The following SPATA33 variants were observed in gnomAD, a reference collection of about 807,000 sequenced individuals.
The protein encoded by SPATA33 is spermatogenesis associated 33.
A neutral mutation model predicts 8.9 loss-of-function variants in SPATA33; 10 were observed. The ratio of observed to expected loss-of-function variants is 1.12; its 90% confidence interval spans 0.69 to 1.90. The LOEUF is 1.90. Ranked by LOEUF, SPATA33 falls within the 40% of genes most tolerant of loss-of-function variation. The pLI, the probability that SPATA33 is intolerant of heterozygous loss-of-function variation, is 0.00. For synonymous variants in SPATA33, 96 were observed against 72.8 expected (o/e 1.32, Z -1.63); for missense variants, 241 against 178.3 (o/e 1.35, Z -2.00).
chr16:89,669,574 C>G lies in SPATA33; in HGVS notation c.*77C>G. Reference sequence around the variant, plus strand: ...ACAGCCGCCTCACCCTGTGAGAAGCCGAGGCCCCTTCTCCAGTGCTCTCGG... The same window carrying G: ...ACAGCCGCCTCACCCTGTGAGAAGCGGAGGCCCCTTCTCCAGTGCTCTCGG... On this transcript the variant is annotated 3_prime_UTR_variant, in exon 3 of 3. Coordinates refer to ENST00000579310, the MANE Select transcript of SPATA33 (RefSeq NM_001271907.2). The G allele has an allele frequency of 6.9e-7, 1 of 1,456,768 alleles. No individual in the cohort carries two copies. Among genetic ancestry groups the G allele is most frequent in the Non-Finnish European group, 9.4e-7 (1 of 1,061,894 alleles). The allele number at this position is 1,456,768 out of a possible 1,614,324, so 90.2% of individuals were successfully genotyped here. A position where few individuals can be genotyped will look rare whatever the true frequency, so the allele number is the denominator to read the frequency against.
At chr16:89,662,669 C>T (rs1199410568) in intron 2 of SPATA33, among the ~76,000 whole-genome samples, 2 of 152,222 alleles carry the variant, frequency 1.3e-5, no homozygotes, top group African/African-American at 2.4e-5. Flanking sequence ...TCAGCTGATC[C>T]ACCCGCCTCG....
intron 2 of SPATA33, among the ~76,000 whole-genome samples, chr16:89,662,293 CA>C (rs34420644): frequency 4.3e-4 from 61 of 141,700 alleles, no homozygotes; most frequent in Admixed American, 1.1e-3. Flanking sequence ...GACTCCATCT[CA>C]AAAAAAAAAA....
chr16:89,664,358 C>G (rs925396778), intron 2 of SPATA33, among the ~76,000 whole-genome samples: 1 of 150,618 alleles, frequency 6.6e-6, no homozygotes, highest in African/African-American at 2.4e-5. Flanking sequence ...GGACTCAAGA[C>G]AGCCCACACG....
At chr16:89,667,338 T>G (rs1416629737) in intron 2 of SPATA33, among the ~76,000 whole-genome samples, 1 of 152,232 alleles carries the variant, frequency 6.6e-6, no homozygotes, top group Non-Finnish European at 1.5e-5. Context: ...AGGTTATGAT[T>G]GTAGAGCGAG....
chr16:89,657,860 C>A lies in SPATA33; in HGVS notation c.-52C>A, dbSNP rs35415928. On this transcript the variant is annotated 5_prime_UTR_variant, in exon 1 of 3. Transcript: ENST00000579310. ...TGTGAGTCGCTCCCGGCTCCGCGGC[C>A]GCGGAGGTGTGGGGACCCGGGCTTG... The A allele has an allele frequency of 1.5e-5, 23 of 1,509,160 alleles. No individual in the cohort carries two copies. The Middle Eastern group carries it at 5.5e-4, about 36-fold the overall frequency. The allele number at this position is 1,509,160 out of a possible 1,614,324, so 93.5% of individuals were successfully genotyped here. A position where few individuals can be genotyped will look rare whatever the true frequency, so the allele number is the denominator to read the frequency against.
chr16:89,667,593 G>T (rs1310902696), intron 2 of SPATA33, among the ~76,000 whole-genome samples: 1 of 152,206 alleles, frequency 6.6e-6, no homozygotes, highest in Non-Finnish European at 1.5e-5. Context: ...AGCCCAGGAA[G>T]TTGAGGCTTC....
intron 2 of SPATA33, chr16:89,661,073 C>T (rs1339159265): frequency 6.1e-6 from 6 of 986,170 alleles, no homozygotes; most frequent in Non-Finnish European, 4.8e-6. Context: ...CCATAAAATC[C>T]AGAGAAAAGA....
rs747603582 is a variant in SPATA33 at position 89,669,313 on chromosome 16, G to A, written c.239G>A (p.Ser80Asn). The change falls in exon 3 of 3, where the codon AGC becomes AAC. Residue 80 changes from serine (S) to asparagine (N), a missense_variant. Ser to Asn is a conservative substitution (Grantham distance 46). Transcript: ENST00000579310. ...AAACCTGATGTAAAGCAAAAGTCCA[G>A]CAGGAAGAAAGTGGTCGTTCCACAG... ...EEKPDVKQKS[S>N]RKKVVVPQII... 1.2e-6 allele frequency: 2 copies of A among 1,614,206 alleles called. No individual in the cohort carries two copies. Among genetic ancestry groups the A allele is most frequent in the Non-Finnish European group, 1.7e-6 (2 of 1,180,044 alleles).
intron 2 of SPATA33, among the ~76,000 whole-genome samples, chr16:89,662,788 G>A (rs1219442052): frequency 3.3e-5 from 5 of 150,896 alleles, no homozygotes; most frequent in Admixed American, 1.3e-4. Context: ...ACACTTTTGT[G>A]ACGTTTTGTT....
Position 89,666,182 on chromosome 16 carries a change from A to T in SPATA33, c.212-3104A>T, listed in dbSNP as rs188360858. 1.1e-4 allele frequency among the ~76,000 whole-genome samples: 16 copies of T among 152,262 alleles called. No homozygotes were observed. In the East Asian group the frequency reaches 3.1e-3, roughly 29 times the overall value. On this transcript the variant is annotated intron_variant, in intron 2 of 2. Coordinates refer to ENST00000579310, the MANE Select transcript of SPATA33 (RefSeq NM_001271907.2). ...CTGATACTCAAGTAGGTTAGAGTAA[A>T]AAAAAGCCAGATATGGTGATGTGGG...
chr16:89,660,604 A>G (rs1411337064), intron 2 of SPATA33: 24 of 1,190,444 alleles, frequency 2.0e-5, no homozygotes, highest in African/African-American at 3.1e-5. Context: ...AAGGAGTCCC[A>G]AAGGTGGGAC....
At position 89,669,330 on chromosome 16, in the gene SPATA33, G is replaced by T; in HGVS notation, c.256G>T (p.Val86Phe). 6.2e-7 allele frequency: 1 copy of T among 1,614,178 alleles called. No homozygotes were observed. The highest frequency in any genetic ancestry group is 8.5e-7 in the Non-Finnish European group (1 of 1,180,032). ...AAAGTCCAGCAGGAAGAAAGTGGTC[G>T]TTCCACAGATCATCATCACGCGAGC... Reference protein sequence around the residue: ...KQKSSRKKVVVPQIIITRASN... With the variant: ...KQKSSRKKVVFPQIIITRASN... The change falls in exon 3 of 3, where the codon GTT (valine) becomes TTT (phenylalanine). Residue 86 changes from valine to phenylalanine, a missense_variant. Transcript: ENST00000579310.
chr16:89,667,912 C>G (rs891518952), intron 2 of SPATA33: 1 of 152,344 alleles, frequency 6.6e-6, no homozygotes, highest in Non-Finnish European at 1.5e-5. Flanking sequence ...CTTGGCTTGT[C>G]TGTACCTCAG....
chr16:89,660,908 C>T lies in SPATA33; in HGVS notation c.211+2487C>T, dbSNP rs893940765. ...AGTGATTCCAGGCTCTGGCTGGAAC[C>T]TTGAGTCTTCTCAGCTTGGGGCATG... is the stretch of plus-strand genomic sequence containing the variant. On this transcript the variant is annotated intron_variant, in intron 2 of 2. Transcript: ENST00000579310. The T allele has an allele frequency of 2.9e-6, 3 of 1,045,050 alleles. No homozygotes were observed. The African/African-American group carries it at 5.0e-5, about 18-fold the overall frequency. 64.7% of individuals were successfully genotyped at this position (1,045,050 alleles called of 1,614,324 possible).
Position 89,663,790 on chromosome 16 carries a change from C to T in SPATA33, c.211+5369C>T, listed in dbSNP as rs534489124. ...CACTCATAGTACCGGAGTCCATTTC[C>T]TCGTGTCGATAATGGTACTATAGTT... On this transcript the variant is annotated intron_variant, in intron 2 of 2. Coordinates refer to ENST00000579310, the MANE Select transcript of SPATA33 (RefSeq NM_001271907.2). 4.6e-5 allele frequency among the ~76,000 whole-genome samples: 7 copies of T among 152,186 alleles called. No homozygotes were observed. In the South Asian group the frequency reaches 1.2e-3, roughly 27 times the overall value.
intron 2 of SPATA33, among the ~76,000 whole-genome samples, chr16:89,663,241 CTT>C (rs35836835): frequency 4.1e-4 from 57 of 138,082 alleles, no homozygotes; most frequent in Non-Finnish European, 4.1e-4. Flanking sequence ...GATTCCATTT[CTT>C]TTTTTTTTTT....
chr16:89,667,305 C>G (rs908666371), intron 2 of SPATA33, among the ~76,000 whole-genome samples: 1 of 152,182 alleles, frequency 6.6e-6, no homozygotes, highest in South Asian at 2.1e-4. Flanking sequence ...CAGCTCCTGT[C>G]TCTGTATGAC....
At chr16:89,666,218 C>A (rs2060023714) in intron 2 of SPATA33, among the ~76,000 whole-genome samples, 1 of 152,192 alleles carries the variant, frequency 6.6e-6, no homozygotes, top group Non-Finnish European at 1.5e-5. Flanking sequence ...AATATATGGT[C>A]CCATAGGTGG....
Position 89,658,293 on chromosome 16 carries a change from A to C in SPATA33, c.83A>C (p.Lys28Thr), listed in dbSNP as rs1196728893. The change falls in exon 2 of 3, where the codon AAG becomes ACG. Residue 28 changes from lysine (K) to threonine (T), a missense_variant. Physicochemically the swap from Lys to Thr is moderately conservative, Grantham distance 78. Coordinates refer to ENST00000579310, the MANE Select transcript of SPATA33 (RefSeq NM_001271907.2). ...TCCACCTATTCAGTTCCAAAATCTA[A>C]GGAGAAGTTGATGGAGAAGCATTCC... Reference protein sequence around the residue: ...KGSTYSVPKSKEKLMEKHSQE... With the variant: ...KGSTYSVPKSTEKLMEKHSQE... The C allele has an allele frequency of 6.2e-7, 1 of 1,614,160 alleles. No individual in the cohort carries two copies. Among genetic ancestry groups the C allele is most frequent in the African/African-American group, 1.3e-5 (1 of 75,064 alleles).
Sources: gnomAD v4.1 joint callset for allele counts (sites outside exome capture counted in the v4.1 genomes callset) on GRCh38, gnomAD v4.1.1 for gene constraint, MANE v1.5 for transcripts, NCBI Gene and HGNC (gene_info 2026-07-23, HGNC 2026-07-21) for gene names.